The following MEP1B variants were observed in gnomAD, a reference collection of about 807,000 sequenced individuals.
The protein encoded by MEP1B is meprin A subunit beta, also known as N-benzoyl-L-tyrosyl-P-amino-benzoic acid hydrolase subunit beta.
In MEP1B, 80 loss-of-function variants were observed where a neutral mutation model predicts 84.6. That is an observed-to-expected ratio of 0.95 (90% CI 0.79 to 1.14). The LOEUF is 1.14. MEP1B is among the 50% of genes most tolerant of loss of function. MEP1B has a pLI of 0.00. For synonymous variants in MEP1B, 273 were observed against 288.1 expected (o/e 0.95, Z 0.53); for missense variants, 766 against 855.1 (o/e 0.90, Z 1.30).
chr18:32,190,122 A>G lies in MEP1B; in HGVS notation c.52A>G (p.Ile18Val), dbSNP rs1348145476. Reference sequence around the variant, plus strand: ...TCTGTTCTTGGATGCTCTTCTCGTGATTTCTGGCTTGGTAAGGAAACAGTA... The same window carrying G: ...TCTGTTCTTGGATGCTCTTCTCGTGGTTTCTGGCTTGGTAAGGAAACAGTA... Reference protein sequence around the residue: ...WFLFLDALLVISGLATPENFD... With the variant: ...WFLFLDALLVVSGLATPENFD... The change falls in exon 1 of 15, where the codon ATT becomes GTT. Residue 18 changes from isoleucine to valine, a missense_variant. Coordinates refer to ENST00000269202, the MANE Select transcript of MEP1B (RefSeq NM_005925.3). 6.2e-7 allele frequency: 1 copy of G among 1,613,040 alleles called. No individual in the cohort carries two copies. The highest frequency in any genetic ancestry group is 2.2e-5 in the East Asian group (1 of 44,840).
Position 32,207,410 on chromosome 18 carries a change from G to A in MEP1B, c.706G>A (p.Gly236Ser), listed in dbSNP as rs760359665. 1.5e-5 allele frequency: 24 copies of A among 1,613,050 alleles called. No individual in the cohort carries two copies. Among genetic ancestry groups the A allele is most frequent in the Admixed American group, 1.7e-5 (1 of 59,894 alleles). Residue 236 changes from glycine to serine, a missense_variant, in exon 8 of 15, where the codon GGC (glycine) becomes AGC (serine). Physicochemically the swap from Gly to Ser is moderately conservative, Grantham distance 56 (BLOSUM62 0). Coordinates refer to ENST00000269202, the MANE Select transcript of MEP1B (RefSeq NM_005925.3). The part of the protein sequence containing the change: ...TRISDFEDVI[G>S]QRMDFSDSDL... ...AATCTCAGACTTTGAGGATGTGATC[G>A]GCCAACGAATGGATTTCAGTGACTC...
Position 32,210,581 on chromosome 18 carries a change from C to A in MEP1B, c.1000C>A (p.Pro334Thr), listed in dbSNP as rs1334949015. 1.2e-6 allele frequency: 2 copies of A among 1,613,952 alleles called. No homozygotes were observed. Among genetic ancestry groups the A allele is most frequent in the Non-Finnish European group, 1.7e-6 (2 of 1,179,882 alleles). Residue 334 changes from proline to threonine, a missense_variant, in exon 10 of 15, where the codon CCT becomes ACT. Physicochemically the swap from Pro to Thr is conservative, Grantham distance 38. Transcript: ENST00000269202. ...TAVLESRTLY[P>T]KRGFQCLQFY... ...AGTGCTGGAAAGTAGAACGCTGTACCCTAAAAGAGGATTTCAGTGCCTGCA... is the reference window on the plus strand; with the variant it reads ...AGTGCTGGAAAGTAGAACGCTGTACACTAAAAGAGGATTTCAGTGCCTGCA...
chr18:32,219,430 C>T (rs1297041690), intron 14 of MEP1B, among the ~76,000 whole-genome samples: 2 of 152,066 alleles, frequency 1.3e-5, no homozygotes, highest in Admixed American at 1.3e-4. Flanking sequence ...TTTTATGACT[C>T]AAAATAAAAG....
At chr18:32,213,949 C>A (rs2041057299) in intron 11 of MEP1B, among the ~76,000 whole-genome samples, 1 of 152,138 alleles carries the variant, frequency 6.6e-6, no homozygotes, top group African/African-American at 2.4e-5. Context: ...AAAGCCAGGG[C>A]TGTAGTAATC....
intron 14 of MEP1B, among the ~76,000 whole-genome samples, chr18:32,219,350 T>C (rs10502585): frequency 0.11 from 16,065 of 152,214 alleles, 1,174 homozygotes; most frequent in African/African-American, 0.21. Flanking sequence ...GATCAATTAC[T>C]TCACAAAATT....
Position 32,191,921 on chromosome 18 carries a change from T to C in MEP1B, c.82+81T>C, listed in dbSNP as rs2040805635. On this transcript the variant is annotated intron_variant, in intron 2 of 14. Transcript: ENST00000269202. ...GCTAAACATCATACATAATTACATA[T>C]GCATAATTGATGCATAATTGCATTG... The C allele has an allele frequency of 7.3e-6, 6 of 825,954 alleles. No homozygotes were observed. The South Asian group carries it at 9.7e-5, about 13-fold the overall frequency. The allele number at this position is 825,954 out of a possible 1,614,324, so 51.2% of individuals were successfully genotyped here.
rs191836009 is a variant in MEP1B, at chr18:32,195,432, G to C, written c.197G>C (p.Gly66Ala). Residue 66 changes from glycine to alanine, a missense_variant, in exon 5 of 15, where the codon GGA becomes GCA. Gly to Ala is a moderately conservative substitution (Grantham distance 60). Transcript: ENST00000269202. Reference sequence around the variant, plus strand: ...GCACAAATTAGAAATTCCATCATTGGAGAAAAGTATAGATGGCCTCATACC... The same window carrying C: ...GCACAAATTAGAAATTCCATCATTGCAGAAAAGTATAGATGGCCTCATACC... ...DRAQIRNSII[G>A]EKYRWPHTIP... 9 of 1,612,192 alleles carry C rather than the reference G, an allele frequency of 5.6e-6. No individual in the cohort carries two copies. The East Asian group carries it at 1.1e-4, about 20-fold the overall frequency.
At chr18:32,202,824 G>A (rs2040925260) in intron 5 of MEP1B, 69 bp from the exon 6 acceptor site, 3 of 937,732 alleles carry the variant, frequency 3.2e-6, no homozygotes, top group East Asian at 2.6e-5. Context: ...GCAGTGGCCT[G>A]CTTCCATGGA....
chr18:32,192,734 A>G (rs762297332), intron 3 of MEP1B, 40 bp from the exon 4 acceptor site: 17 of 1,611,756 alleles, frequency 1.1e-5, no homozygotes, highest in Non-Finnish European at 1.4e-5. Context: ...AGAGAGTTTG[A>G]ATCCAATTTG....
At position 32,196,700 on chromosome 18, in the gene MEP1B, C is replaced by T; in HGVS notation, c.250+1215C>T. On this transcript the variant is annotated intron_variant, in intron 5 of 14. Transcript: ENST00000269202. This position sits in a 1 kb window ranked among gnomAD's most constrained non-coding sequence, Gnocchi z 4.4. The stretch of plus-strand genomic sequence containing the variant: ...ACCAGCGCATGAGGTAGTGGGCGCC[C>T]TGCAGCAGGCTGAGGGCCAGGGACA... 1 of 638,418 alleles carries T rather than the reference C, an allele frequency of 1.6e-6. No individual in the cohort carries two copies. Among genetic ancestry groups the T allele is most frequent in the Non-Finnish European group, 2.9e-6 (1 of 350,634 alleles). The allele number at this position is 638,418 out of a possible 1,614,324, so 39.5% of individuals were successfully genotyped here.
chr18:32,215,677 A>G (rs2041076635), intron 12 of MEP1B, among the ~76,000 whole-genome samples: 1 of 152,092 alleles, frequency 6.6e-6, no homozygotes, highest in Non-Finnish European at 1.5e-5. Context: ...ATAAAAAATT[A>G]GCTGGGCGTG....
In MEP1B at chr18:32,196,269, G is replaced by A. The variant is rs1598887284; in HGVS notation, c.250+784G>A. The A allele has an allele frequency of 8.5e-6, 6 of 707,048 alleles. No homozygotes were observed. The East Asian group carries it at 1.6e-4, about 19-fold the overall frequency. The allele number at this position is 707,048 out of a possible 1,614,324, so 43.8% of individuals were successfully genotyped here. Reference sequence around the variant, plus strand: ...TGAACTGCTCCAAGACGCTGGCCATGCTGGGGGCTGTGAAGTTGAGGGGCG... The same window carrying A: ...TGAACTGCTCCAAGACGCTGGCCATACTGGGGGCTGTGAAGTTGAGGGGCG... On this transcript the variant is annotated intron_variant, in intron 5 of 14. Coordinates refer to ENST00000269202, the MANE Select transcript of MEP1B (RefSeq NM_005925.3). The surrounding 1 kb of genome is among the most constrained non-coding windows in gnomAD (Gnocchi z 4.4).
At position 32,217,851 on chromosome 18, in the gene MEP1B, T is replaced by C. The variant is rs778378261; in HGVS notation, c.1977T>C (p.Ser659=). The C allele has an allele frequency of 1.2e-6, 2 of 1,613,850 alleles. No homozygotes were observed. The highest frequency in any genetic ancestry group is 2.2e-5 in the East Asian group (1 of 44,888). The change falls in exon 14 of 15, where the codon TCT becomes TCC. Residue 659 remains serine, a synonymous_variant. Transcript: ENST00000269202. The part of the protein sequence containing the change: ...TRDTIVIAVS[S]TVAVFALMLI... Reference sequence around the variant, plus strand: ...ACACCATAGTCATTGCTGTTTCATCTACTGTTGCTGTGTTTGCCTTGATGC... The same window carrying C: ...ACACCATAGTCATTGCTGTTTCATCCACTGTTGCTGTGTTTGCCTTGATGC...
intron 5 of MEP1B, among the ~76,000 whole-genome samples, chr18:32,195,764 G>A (rs576751268): frequency 6.6e-6 from 1 of 152,308 alleles, no homozygotes; most frequent in East Asian, 1.9e-4. Context: ...GGGACATAAC[G>A]ATTAGGGAGC....
chr18:32,195,103 C>T (rs2040839044), intron 4 of MEP1B, among the ~76,000 whole-genome samples: 1 of 152,140 alleles, frequency 6.6e-6, no homozygotes, highest in Non-Finnish European at 1.5e-5. Context: ...AATTTTTAAT[C>T]TTTAAGTGTA....
chr18:32,217,587 T>C (rs935452648), intron 13 of MEP1B, among the ~76,000 whole-genome samples, 174 bp from the exon 14 acceptor site: 4 of 152,202 alleles, frequency 2.6e-5, no homozygotes, highest in Non-Finnish European at 4.4e-5. Context: ...TTCCATTGTT[T>C]ATACCTGTGC....
intron 10 of MEP1B, among the ~76,000 whole-genome samples, chr18:32,211,411 G>C (rs186619574): frequency 7.2e-5 from 11 of 152,286 alleles, no homozygotes; most frequent in Non-Finnish European, 2.9e-5. Flanking sequence ...TGGCTTGAGG[G>C]GGAATTATTA....
chr18:32,207,107 T>G (rs551910240), intron 7 of MEP1B, 145 bp from the exon 8 acceptor site: 6 of 609,980 alleles, frequency 9.8e-6, no homozygotes, highest in African/African-American at 9.2e-5. Context: ...TATTATATTG[T>G]AAGATGGGAA....
chr18:32,206,861 C>T (rs1483140903), intron 7 of MEP1B, among the ~76,000 whole-genome samples: 6 of 152,246 alleles, frequency 3.9e-5, no homozygotes, highest in Non-Finnish European at 5.9e-5. Flanking sequence ...CCGCCTGCCT[C>T]GACCTCCCAA....
Sources: gnomAD v4.1 joint callset for allele counts (sites outside exome capture counted in the v4.1 genomes callset) on GRCh38, gnomAD v4.1.1 for gene constraint, Gnocchi (gnomAD v3.1) non-coding constraint, MANE v1.5 for transcripts, NCBI Gene and HGNC (gene_info 2026-07-23, HGNC 2026-07-21) for gene names.